KIN: variants seen among roughly 807,000 people sequenced by gnomAD.
The protein encoded by KIN is DNA/RNA-binding protein KIN17.
KIN carries 47 observed loss-of-function variants against 63.0 expected under a neutral mutation model. That is an observed-to-expected ratio of 0.75 (90% confidence interval 0.59 to 0.95). The LOEUF (loss-of-function observed/expected upper bound fraction) is 0.95, where lower values mean the gene tolerates loss of function less well. KIN is among the 40% of genes least tolerant of loss of function. KIN has a pLI of 0.00. For missense variants in KIN, 408 were observed against 460.9 expected (o/e 0.89, Z 1.05); for synonymous variants, 160 against 157.7 (o/e 1.01, Z -0.11).
chr10:7,771,497 T>C (rs1019774418), intron 7 of KIN, among the ~76,000 whole-genome samples: 8 of 152,218 alleles, frequency 5.3e-5, no homozygotes, highest in African/African-American at 1.7e-4. Context: ...TTCTCAACAG[T>C]GAGTCCCCAA....
chr10:7,781,519 G>A lies in KIN; in HGVS notation c.210-1212C>T, dbSNP rs1347632942. Among the ~76,000 whole-genome samples the A allele has an allele frequency of 9.2e-5, 14 of 151,628 alleles. No individual in the cohort carries two copies. The South Asian group carries it at 1.9e-3, about 20-fold the overall frequency. Reference sequence around the variant, plus strand: ...TGTAATCCCAGGACTTTGGGAGATCGAGAGAGGAGGATCACTTGAGCCCAG... The same window carrying A: ...TGTAATCCCAGGACTTTGGGAGATCAAGAGAGGAGGATCACTTGAGCCCAG... On this transcript the variant is annotated intron_variant, in intron 2 of 12. Transcript: ENST00000379562.
chr10:7,764,124 A>G (rs911115548), intron 9 of KIN, among the ~76,000 whole-genome samples: 8 of 152,218 alleles, frequency 5.3e-5, no homozygotes, highest in African/African-American at 1.7e-4. Context: ...TCTTTCGTAG[A>G]TGGTTTCTTT....
At chr10:7,786,596 T>A (rs1196033434) in intron 1 of KIN, among the ~76,000 whole-genome samples, 1 of 149,908 alleles carries the variant, frequency 6.7e-6, no homozygotes, top group Admixed American at 6.6e-5. Flanking sequence ...TGGGACCGTA[T>A]CTCAAAAAAA....
chr10:7,770,777 G>T (rs1835651385), intron 7 of KIN, among the ~76,000 whole-genome samples: 1 of 152,176 alleles, frequency 6.6e-6, no homozygotes, highest in East Asian at 1.9e-4. Context: ...AAAAATATAT[G>T]ATTAGTAGAG....
rs980817516 is a variant in KIN at position 7,751,096 on chromosome 10, G to C, written c.*4984C>G. 1 of 152,182 alleles carries C rather than the reference G, an allele frequency of 6.6e-6. No individual in the cohort carries two copies. Among genetic ancestry groups the C allele is most frequent in the African/African-American group, 2.4e-5 (1 of 41,434 alleles). 9.4% of individuals were successfully genotyped at this position (152,182 alleles called of 1,614,324 possible). The stretch of plus-strand genomic sequence containing the variant: ...GAAACTAGGTTACTTTATGCTGTCT[G>C]CATTTGTATAGTGGATTTTGGTGCT... On this transcript the variant is annotated 3_prime_UTR_variant, in exon 13 of 13. Transcript: ENST00000379562.
intron 11 of KIN, among the ~76,000 whole-genome samples, chr10:7,762,087 T>C (rs1465901944): frequency 1.3e-5 from 2 of 152,188 alleles, no homozygotes; most frequent in Non-Finnish European, 2.9e-5. Flanking sequence ...TATCCAATTA[T>C]GTATATGCAA....
At chr10:7,772,879 A>G (rs999896323) in intron 7 of KIN, among the ~76,000 whole-genome samples, 2 of 152,248 alleles carry the variant, frequency 1.3e-5, no homozygotes, top group Non-Finnish European at 2.9e-5. Context: ...CCTGAAACCT[A>G]TCAATGTTAC....
intron 12 of KIN, among the ~76,000 whole-genome samples, chr10:7,758,225 G>A (rs1047284374): frequency 1.9e-4 from 29 of 151,870 alleles, no homozygotes; most frequent in African/African-American, 6.0e-4. Context: ...ATTTGCCACC[G>A]CGCCCAGCTA....
chr10:7,781,160 G>A (rs1051434501), intron 2 of KIN, among the ~76,000 whole-genome samples: 6 of 152,218 alleles, frequency 3.9e-5, no homozygotes, highest in Non-Finnish European at 5.9e-5. Flanking sequence ...AGAGTCACAG[G>A]AGATGCCCAG....
intron 12 of KIN, among the ~76,000 whole-genome samples, chr10:7,757,452 C>T (rs1168469404): frequency 6.6e-6 from 1 of 151,834 alleles, no homozygotes; most frequent in Admixed American, 6.6e-5. Flanking sequence ...GAGCTGAGAT[C>T]GCGCCATTGC....
chr10:7,783,143 A>G lies in KIN; in HGVS notation c.147T>C (p.Ser49=). 1 of 1,599,906 alleles carries G rather than the reference A, an allele frequency of 6.3e-7. No homozygotes were observed. ...AAGCCAGCAATAGTTGTCTCTGATGAGATTCGGACATACAATGACACTTAA... is the reference window on the plus strand; with the variant it reads ...AAGCCAGCAATAGTTGTCTCTGATGGGATTCGGACATACAATGACACTTAA... ...NGFKCHCMSE[S]HQRQLLLASE... The change falls in exon 2 of 13, where the codon TCT becomes TCC. Residue 49 remains serine (S), a synonymous_variant. Coordinates refer to ENST00000379562, the MANE Select transcript of KIN (RefSeq NM_012311.4).
Position 7,756,132 on chromosome 10 carries a change from T to C in KIN, c.1130A>G (p.Lys377Arg). The C allele has an allele frequency of 2.5e-6, 4 of 1,581,678 alleles. No homozygotes were observed. Among genetic ancestry groups the C allele is most frequent in the Non-Finnish European group, 3.4e-6 (4 of 1,162,120 alleles). ...TTGAATTCCTTCAACTCTGCGTCCT[T>C]TTAAAGGGCCCTACAAATTAAAATA... ...ATIVIETGPLKGRRVEGIQYE... is the reference protein window; with the variant it reads ...ATIVIETGPLRGRRVEGIQYE... The change falls in exon 13 of 13, where the codon AAA (lysine) becomes AGA (arginine). Residue 377 changes from lysine (K) to arginine (R), a missense_variant. Around this residue, in one of 2 missense-constraint regions of KIN, gnomAD observed 298 missense variants for 296.0 expected, o/e 1.01. Transcript: ENST00000379562.
At chr10:7,764,882 G>A (rs193255853) in intron 9 of KIN, among the ~76,000 whole-genome samples, 7 of 152,254 alleles carry the variant, frequency 4.6e-5, no homozygotes, top group East Asian at 3.9e-4. Context: ...ACAGTGGGCC[G>A]GGCGCGGTGG....
rs1383690152 is a variant in KIN at position 7,763,775 on chromosome 10, A to T, written c.866T>A (p.Ile289Asn). 7.2e-7 allele frequency: 1 copy of T among 1,386,678 alleles called. No homozygotes were observed. Among genetic ancestry groups the T allele is most frequent in the Admixed American group, 1.9e-5 (1 of 53,908 alleles). The allele number at this position is 1,386,678 out of a possible 1,614,324, so 85.9% of individuals were successfully genotyped here. A position where few individuals can be genotyped will look rare whatever the true frequency, so the allele number is the denominator to read the frequency against. Residue 289 changes from isoleucine to asparagine, a missense_variant, in exon 10 of 13, where the codon ATT (isoleucine) becomes AAT (asparagine). Ile to Asn is a moderately radical substitution (Grantham distance 149, BLOSUM62 -3). Coordinates refer to ENST00000379562, the MANE Select transcript of KIN (RefSeq NM_012311.4). The stretch of plus-strand genomic sequence containing the variant: ...TTTCTCTCCCAGTTTCTTGGTTATA[A>T]TTTTCACAATAATTTCCTAGAAAAT... The part of the protein sequence containing the change: ...YWLQPEIIVK[I>N]ITKKLGEKYH...
chr10:7,782,678 T>C (rs1835921640), intron 2 of KIN, among the ~76,000 whole-genome samples: 1 of 152,164 alleles, frequency 6.6e-6, no homozygotes, highest in Non-Finnish European at 1.5e-5. Flanking sequence ...ATTACAGGTG[T>C]GAGCCACCTC....
chr10:7,761,627 A>T (rs898384077), intron 11 of KIN, among the ~76,000 whole-genome samples: 1 of 152,238 alleles, frequency 6.6e-6, no homozygotes, highest in African/African-American at 2.4e-5. Context: ...CTCCTGTGAC[A>T]GGCCACTGTC....
chr10:7,774,445 A>G (rs542658586), intron 7 of KIN, among the ~76,000 whole-genome samples: 12 of 152,204 alleles, frequency 7.9e-5, no homozygotes, highest in Non-Finnish European at 1.3e-4. Context: ...TGGAGAAGCA[A>G]AAGTTTATTG....
intron 12 of KIN, 45 bp downstream of exon 12, chr10:7,759,845 T>C: frequency 2.0e-6 from 2 of 996,266 alleles, no homozygotes; most frequent in Non-Finnish European, 1.5e-6. Context: ...TATGGCACAT[T>C]TTTAAAGCAT....
Position 7,777,353 on chromosome 10 carries a change from C to G in KIN, c.558+1485G>C, listed in dbSNP as rs58335367. Among the ~76,000 whole-genome samples the G allele has an allele frequency of 4.3e-3, 657 of 151,380 alleles. 4 individuals are homozygous for G. The highest frequency in any genetic ancestry group is 0.015 in the African/African-American group (612 of 41,208). On this transcript the variant is annotated intron_variant, in intron 5 of 12. Transcript: ENST00000379562. ...TGGGAGATGGGGTATTAATTGGCAA[C>G]GAGCATGAGGAAACCCTCTGGGATA...
Sources: allele counts gnomAD v4.1 joint callset (sites outside exome capture counted in the v4.1 genomes callset), GRCh38; gene constraint gnomAD v4.1.1; regional missense constraint gnomAD v4.1.1; transcripts MANE v1.5; gene names NCBI Gene and HGNC (gene_info 2026-07-23, HGNC 2026-07-21).